The following SDK2 variants were observed in gnomAD, a reference collection of about 807,000 sequenced individuals.
SDK2 encodes the protein sidekick cell adhesion molecule 2.
A neutral mutation model predicts 253.9 loss-of-function variants in SDK2; 105 were observed. That is an observed-to-expected ratio of 0.41 (90% CI 0.35 to 0.49). The LOEUF (loss-of-function observed/expected upper bound fraction) is 0.49, where lower values mean the gene tolerates loss of function less well. Ranked by LOEUF, SDK2 falls within the 20% of genes least tolerant of loss-of-function variation. The probability of loss-of-function intolerance (pLI) is 0.06; values close to 1 mark genes in which losing one functional copy is unlikely to be tolerated. For missense variants in SDK2, 2,608 were observed against 3,003.0 expected (o/e 0.87, Z 3.07); for synonymous variants, 1,249 against 1,234.9 (o/e 1.01, Z -0.24).
At chr17:73,458,311 T>C (rs2063541634) in intron 3 of SDK2, among the ~76,000 whole-genome samples, 1 of 152,170 alleles carries the variant, frequency 6.6e-6, no homozygotes, top group South Asian at 2.1e-4. Context: ...TGGGTGGGTC[T>C]CAGAATCTCC....
intron 1 of SDK2, among the ~76,000 whole-genome samples, chr17:73,594,104 C>T (rs2045721036): frequency 6.6e-6 from 1 of 152,180 alleles, no homozygotes; most frequent in Admixed American, 6.5e-5. Flanking sequence ...AAACTGTTTC[C>T]CCAAACCTGG....
At chr17:73,577,056 C>A (rs2045467262) in intron 1 of SDK2, among the ~76,000 whole-genome samples, 1 of 152,314 alleles carries the variant, frequency 6.6e-6, no homozygotes, top group Non-Finnish European at 1.5e-5. Flanking sequence ...GAAGCATGTC[C>A]CCTATGGGAG....
chr17:73,380,277 C>T (rs145957434), intron 34 of SDK2, among the ~76,000 whole-genome samples: 5 of 152,122 alleles, frequency 3.3e-5, no homozygotes, highest in East Asian at 1.9e-4. Flanking sequence ...CATTGGTTGA[C>T]GGAGGAAGGA....
In SDK2 at chr17:73,352,428, C is replaced by T. The variant is rs1041262768; in HGVS notation, c.5758+45G>A. ...GCCCTGCCCAGTGTCAGCCCCCAGG[C>T]TCTGCTGTGGGGCTCCCCCACTCCC... On this transcript the variant is annotated intron_variant, in intron 41 of 44. Coordinates refer to ENST00000392650, the MANE Select transcript of SDK2 (RefSeq NM_001144952.2). This position sits in a 1 kb window ranked among gnomAD's most constrained non-coding sequence, Gnocchi z 4.1. 1 of 1,581,008 alleles carries T rather than the reference C, an allele frequency of 6.3e-7. No individual in the cohort carries two copies. Among genetic ancestry groups the T allele is most frequent in the South Asian group, 1.1e-5 (1 of 87,584 alleles).
Position 73,643,957 on chromosome 17 carries a change from T to TGC in SDK2, c.64+67_64+68insGC. On this transcript the variant is annotated intron_variant, in intron 1 of 44. Coordinates refer to ENST00000392650, the MANE Select transcript of SDK2 (RefSeq NM_001144952.2). The surrounding 1 kb of genome is among the most constrained non-coding windows in gnomAD (Gnocchi z 6.9). ...GGAGGTCACCGTGAGGCCGGCCAGCTCCCGCCGCCCCTCCCCCGCCCACTC... is the reference window on the plus strand; with the variant it reads ...GGAGGTCACCGTGAGGCCGGCCAGCTGCCCCGCCGCCCCTCCCCCGCCCACTC... The TGC allele has an allele frequency of 6.8e-5, 69 of 1,019,900 alleles. No individual in the cohort carries two copies. Among genetic ancestry groups the TGC allele is most frequent in the East Asian group, 2.7e-4 (10 of 37,496 alleles). The allele number at this position is 1,019,900 out of a possible 1,614,324, so 63.2% of individuals were successfully genotyped here.
chr17:73,339,980 C>T (rs1438002886), intron 44 of SDK2, among the ~76,000 whole-genome samples: 3 of 152,116 alleles, frequency 2.0e-5, no homozygotes, highest in African/African-American at 7.2e-5. Context: ...AAGTGATTCT[C>T]CTGCCTCAGC....
At chr17:73,487,127 T>A (rs2063774618) in intron 2 of SDK2, among the ~76,000 whole-genome samples, 1 of 152,072 alleles carries the variant, frequency 6.6e-6, no homozygotes, top group Admixed American at 6.6e-5. Flanking sequence ...AGAGATGGGG[T>A]TTCACCATGT....
intron 43 of SDK2, among the ~76,000 whole-genome samples, chr17:73,349,130 G>T (rs768697217): frequency 6.6e-6 from 1 of 152,200 alleles, no homozygotes; most frequent in African/African-American, 2.4e-5. Context: ...GTGAGGCCAC[G>T]TGTGAAATGC....
chr17:73,381,702 C>T (rs111501653), intron 33 of SDK2, among the ~76,000 whole-genome samples: 4 of 149,500 alleles, frequency 2.7e-5, no homozygotes, highest in Non-Finnish European at 4.4e-5. Context: ...GTCAGGAGTT[C>T]GAGACGAGCC....
At chr17:73,472,327 A>G in intron 2 of SDK2, 109 bp from the exon 3 acceptor site, 2 of 705,628 alleles carry the variant, frequency 2.8e-6, no homozygotes, top group Non-Finnish European at 5.0e-6. Context: ...TTTTGGAATA[A>G]GAGTACCAGG....
chr17:73,527,061 C>G (rs1223544861), intron 1 of SDK2, among the ~76,000 whole-genome samples: 2 of 152,188 alleles, frequency 1.3e-5, no homozygotes, highest in African/African-American at 4.8e-5. Context: ...GAGGCATCAC[C>G]GGGCATGGGC....
At position 73,643,905 on chromosome 17, in the gene SDK2, C is replaced by G; in HGVS notation, c.64+120G>C. On this transcript the variant is annotated intron_variant, in intron 1 of 44. Coordinates refer to ENST00000392650, the MANE Select transcript of SDK2 (RefSeq NM_001144952.2). The surrounding 1 kb of genome is among the most constrained non-coding windows in gnomAD (Gnocchi z 6.9). ...GTGTCTTGAAACTCCCTGGAGAGGG[C>G]TCTGCCACGGCTAAGCCGGGTGTCC... 1 of 866,396 alleles carries G rather than the reference C, an allele frequency of 1.2e-6. No individual in the cohort carries two copies. The highest frequency in any genetic ancestry group is 1.6e-5 in the South Asian group (1 of 63,082). 53.7% of individuals were successfully genotyped at this position (866,396 alleles called of 1,614,324 possible).
intron 6 of SDK2, among the ~76,000 whole-genome samples, chr17:73,439,498 A>G (rs968977300): frequency 1.3e-5 from 2 of 152,084 alleles, no homozygotes; most frequent in Non-Finnish European, 2.9e-5. Flanking sequence ...AGGCAGGAGG[A>G]TCACTTGAGC....
At chr17:73,471,433 A>G (rs2063649996) in intron 3 of SDK2, among the ~76,000 whole-genome samples, 1 of 152,098 alleles carries the variant, frequency 6.6e-6, no homozygotes, top group Non-Finnish European at 1.5e-5. Flanking sequence ...CCCTATCTCT[A>G]CTAAAAATAC....
intron 36 of SDK2, among the ~76,000 whole-genome samples, chr17:73,378,579 C>T (rs1386381864): frequency 6.6e-6 from 1 of 151,916 alleles, no homozygotes; most frequent in Non-Finnish European, 1.5e-5. Flanking sequence ...GCCACCATGC[C>T]CGGCTAATTT....
chr17:73,554,426 A>C (rs117023620), intron 1 of SDK2, among the ~76,000 whole-genome samples: 2,450 of 152,326 alleles, frequency 0.016, 26 homozygotes, highest in African/African-American at 0.031. Flanking sequence ...CCCTAATCCC[A>C]TGTGGCTGAA....
chr17:73,616,368 T>A lies in SDK2; in HGVS notation c.64+27657A>T, dbSNP rs569431722. On this transcript the variant is annotated intron_variant, in intron 1 of 44. Transcript: ENST00000392650. The surrounding 1 kb of genome is among the most constrained non-coding windows in gnomAD (Gnocchi z 5.2). The stretch of plus-strand genomic sequence containing the variant: ...CCCAGCTCAGCATCCCACACACACA[T>A]GCAGGCTCAGGAAGGAGAAAAAAAC... Among the ~76,000 whole-genome samples, 193 of 151,740 alleles carry A rather than the reference T, an allele frequency of 1.3e-3. 1 individual carries two copies. Among genetic ancestry groups the A allele is most frequent in the Admixed American group, 2.2e-3 (34 of 15,262 alleles).
chr17:73,392,272 CTTT>C (rs35908922), intron 27 of SDK2, among the ~76,000 whole-genome samples: 1 of 140,972 alleles, frequency 7.1e-6, no homozygotes, highest in Non-Finnish European at 1.5e-5. Flanking sequence ...GATTTCCAAA[CTTT>C]TTTTTTTTTT....
At chr17:73,574,323 A>T (rs2045427776) in intron 1 of SDK2, among the ~76,000 whole-genome samples, 1 of 152,196 alleles carries the variant, frequency 6.6e-6, no homozygotes. Flanking sequence ...GATACTTTTA[A>T]ATCCATTGTT....
Sources: allele counts gnomAD v4.1 joint callset (sites outside exome capture counted in the v4.1 genomes callset), GRCh38; gene constraint gnomAD v4.1.1; non-coding constraint Gnocchi (gnomAD v3.1); transcripts MANE v1.5; gene names NCBI Gene and HGNC (gene_info 2026-07-23, HGNC 2026-07-21).